RSU1: variants seen among roughly 807,000 people sequenced by gnomAD.
The protein encoded by RSU1 is Ras suppressor protein 1.
RSU1 carries 26 observed loss-of-function variants against 31.1 expected under a neutral mutation model. That is an observed-to-expected ratio of 0.84 (90% CI 0.61 to 1.16). The LOEUF (loss-of-function observed/expected upper bound fraction) is 1.16, where lower values mean the gene tolerates loss of function less well. RSU1 is among the 50% of genes most tolerant of loss of function. RSU1 has a pLI of 0.00. For synonymous variants in RSU1, 164 were observed against 136.3 expected, an observed-to-expected ratio of 1.20 and a Z score of -1.41; for missense variants, 320 against 339.1, an observed-to-expected ratio of 0.94 and a Z score of 0.44.
intron 2 of RSU1, among the ~76,000 whole-genome samples, chr10:16,787,719 C>T (rs1167059329): frequency 3.3e-5 from 5 of 152,204 alleles, no homozygotes; most frequent in Non-Finnish European, 7.3e-5. Flanking sequence ...TAAGATGTCC[C>T]TTTGCTCTTC....
At chr10:16,764,134 G>A (rs1270453001) in intron 4 of RSU1, among the ~76,000 whole-genome samples, 8 of 152,040 alleles carry the variant, frequency 5.3e-5, no homozygotes, top group Non-Finnish European at 1.0e-4. Context: ...AATTTTACTG[G>A]ACAGAAAATA....
rs57270890 is a variant in RSU1 at position 16,783,364 on chromosome 10, C to CTTTTTTTTTTTTT, written c.110-1281_110-1280insAAAAAAAAAAAAA. ...TCACTTCTACTGACCACAACTTTTG[C>CTTTTTTTTTTTTT]TTTTTTTTTTGAGACTGAGTCTCAC... On this transcript the variant is annotated intron_variant, in intron 2 of 8. Transcript: ENST00000345264. Among the ~76,000 whole-genome samples, 755 of 131,834 alleles carry CTTTTTTTTTTTTT rather than the reference C, an allele frequency of 5.7e-3. 13 individuals are homozygous for CTTTTTTTTTTTTT. The highest frequency in any genetic ancestry group is 7.3e-3 in the Non-Finnish European group (472 of 64,342). 86.5% of individuals were successfully genotyped at this position (131,834 alleles called of 152,430 possible). A position where few individuals can be genotyped will look rare whatever the true frequency, so the allele number is the denominator to read the frequency against.
At chr10:16,765,554 A>G (rs778633679) in intron 3 of RSU1, among the ~76,000 whole-genome samples, 1 of 152,248 alleles carries the variant, frequency 6.6e-6, no homozygotes, top group Non-Finnish European at 1.5e-5. Flanking sequence ...AGCCAAAGGC[A>G]TCTTTATCTT....
intron 2 of RSU1, among the ~76,000 whole-genome samples, chr10:16,793,598 T>C (rs1485975816): frequency 1.3e-5 from 2 of 152,098 alleles, no homozygotes; most frequent in Non-Finnish European, 2.9e-5. Flanking sequence ...TTTCTGAAGA[T>C]GCCTGAGAGA....
intron 8 of RSU1, among the ~76,000 whole-genome samples, chr10:16,609,543 G>A (rs1448650914): frequency 6.6e-6 from 1 of 152,240 alleles, no homozygotes; most frequent in Non-Finnish European, 1.5e-5. Context: ...GATGGCAGAG[G>A]AGCAGGTGTC....
At position 16,672,140 on chromosome 10, in the gene RSU1, TAC is replaced by T. The variant is rs1183221111; in HGVS notation, c.731+22881_731+22882del. On this transcript the variant is annotated intron_variant, in intron 8 of 8. Coordinates refer to ENST00000345264, the MANE Select transcript of RSU1 (RefSeq NM_012425.4). ...GGTGAAACCCCGTCTCTACTAAAAA[TAC>T]AAAAAAAAAAAAAAAAAATTAGCCA... is the stretch of plus-strand genomic sequence containing the variant. Among the ~76,000 whole-genome samples the T allele has an allele frequency of 3.2e-3, 246 of 77,620 alleles. 1 individual carries two copies. The highest frequency in any genetic ancestry group is 0.016 in the African/African-American group (233 of 14,260). 50.9% of individuals were successfully genotyped at this position (77,620 alleles called of 152,430 possible). A position where few individuals can be genotyped will look rare whatever the true frequency, so the allele number is the denominator to read the frequency against.
chr10:16,723,091 T>C (rs985329508), intron 7 of RSU1: 1 of 151,806 alleles, frequency 6.6e-6, no homozygotes, highest in Admixed American at 6.6e-5. Context: ...TACACACATA[T>C]ATCATACGAT....
intron 8 of RSU1, among the ~76,000 whole-genome samples, chr10:16,635,667 G>C (rs1212212043): frequency 6.6e-6 from 1 of 152,138 alleles, no homozygotes; most frequent in Non-Finnish European, 1.5e-5. Context: ...AATTACAAAA[G>C]ACACATTGTG....
rs114830492 is a variant in RSU1 at position 16,783,264 on chromosome 10, A to G, written c.110-1180T>C. Among the ~76,000 whole-genome samples the G allele has an allele frequency of 6.4e-3, 972 of 152,118 alleles. 7 individuals are homozygous for G. The highest frequency in any genetic ancestry group is 0.022 in the African/African-American group (916 of 41,498). ...GTTAATGCAGTAGAGGTTTTTCCTT[A>G]AACGGATAAGATAAAAATTTTTCTC... is the stretch of plus-strand genomic sequence containing the variant. On this transcript the variant is annotated intron_variant, in intron 2 of 8. Transcript: ENST00000345264.
chr10:16,690,151 A>C (rs114151507), intron 8 of RSU1, among the ~76,000 whole-genome samples: 3,845 of 152,258 alleles, frequency 0.025, 166 homozygotes, highest in African/African-American at 0.088. Flanking sequence ...GGGGGAAAAA[A>C]ATCTACCTTC....
intron 8 of RSU1, among the ~76,000 whole-genome samples, chr10:16,607,623 G>A (rs1327674470): frequency 6.6e-6 from 1 of 152,198 alleles, no homozygotes; most frequent in Non-Finnish European, 1.5e-5. Flanking sequence ...CTGAGCAGGT[G>A]CTCTGTTGGA....
At chr10:16,700,043 C>T (rs1835756572) in intron 7 of RSU1, among the ~76,000 whole-genome samples, 1 of 152,206 alleles carries the variant, frequency 6.6e-6, no homozygotes, top group African/African-American at 2.4e-5. Context: ...TAGACAATTG[C>T]AGCCCCATTA....
intron 8 of RSU1, among the ~76,000 whole-genome samples, chr10:16,670,099 A>G (rs1338630965): frequency 1.3e-5 from 2 of 152,298 alleles, no homozygotes; most frequent in African/African-American, 4.8e-5. Context: ...ATGTAGTGCA[A>G]ATCAATTCAG....
intron 2 of RSU1, among the ~76,000 whole-genome samples, chr10:16,812,909 T>C (rs1424814666): frequency 1.3e-5 from 2 of 152,132 alleles, no homozygotes; most frequent in Non-Finnish European, 1.5e-5. Flanking sequence ...CAGCTGCTGC[T>C]TGGGAAAGAG....
intron 2 of RSU1, among the ~76,000 whole-genome samples, chr10:16,799,839 G>A (rs576859286): frequency 1.3e-5 from 2 of 152,264 alleles, no homozygotes; most frequent in South Asian, 2.1e-4. Context: ...GTAGCCGGGG[G>A]CGGGGAGGGG....
intron 2 of RSU1, among the ~76,000 whole-genome samples, chr10:16,790,096 T>C (rs531949325): frequency 2.0e-5 from 3 of 152,246 alleles, no homozygotes; most frequent in Non-Finnish European, 4.4e-5. Context: ...TGATTTATGA[T>C]TTTTTTATTC....
chr10:16,816,956 C>A lies in RSU1; in HGVS notation c.109+17G>T, dbSNP rs1265238819. ...CCTTCCAGCTCATCCACGGGAGAGT[C>A]CTGCCCGAGAACTCACAGAGGCCGT... is the stretch of plus-strand genomic sequence containing the variant. On this transcript the variant is annotated intron_variant, in intron 2 of 8. Transcript: ENST00000345264. The A allele has an allele frequency of 1.3e-6, 2 of 1,562,314 alleles. No individual in the cohort carries two copies. Among genetic ancestry groups the A allele is most frequent in the Non-Finnish European group, 1.8e-6 (2 of 1,132,796 alleles).
At chr10:16,719,688 C>A (rs79524994) in intron 7 of RSU1, among the ~76,000 whole-genome samples, 1,861 of 152,304 alleles carry the variant, frequency 0.012, 41 homozygotes, top group African/African-American at 0.042. Flanking sequence ...GCACAGGGGC[C>A]GCACAGACTT....
At chr10:16,626,036 C>T (rs1423017532) in intron 8 of RSU1, among the ~76,000 whole-genome samples, 5 of 151,866 alleles carry the variant, frequency 3.3e-5, no homozygotes, top group African/African-American at 7.3e-5. Flanking sequence ...TCAACCAATC[C>T]TTTTCCTTTT....
Sources: allele counts gnomAD v4.1 joint callset (sites outside exome capture counted in the v4.1 genomes callset), GRCh38; gene constraint gnomAD v4.1.1; transcripts MANE v1.5; gene names NCBI Gene and HGNC (gene_info 2026-07-23, HGNC 2026-07-21).